The following ATG10 variants were observed in gnomAD, a reference collection of about 807,000 sequenced individuals.
The protein encoded by ATG10 is ubiquitin-like-conjugating enzyme ATG10.
ATG10 carries 30 observed loss-of-function variants against 32.1 expected under a neutral mutation model. The observed-to-expected ratio is 0.94, with a 90% CI of 0.70 to 1.27. The LOEUF is 1.27. ATG10 is among the 50% of genes most tolerant of loss of function. The pLI, the probability that ATG10 is intolerant of heterozygous loss-of-function variation, is 0.00. For missense variants in ATG10, 233 were observed against 262.3 expected (o/e 0.89, Z 0.77); for synonymous variants, 87 against 91.5 (o/e 0.95, Z 0.28).
chr5:82,158,767 T>TAC (rs1445702435), intron 3 of ATG10, among the ~76,000 whole-genome samples: 8 of 152,258 alleles, frequency 5.3e-5, no homozygotes, highest in African/African-American at 1.9e-4. Flanking sequence ...GTGTTACGAT[T>TAC]ATGATGTTCA....
At chr5:82,034,222 C>T (rs1762841691) in intron 2 of ATG10, among the ~76,000 whole-genome samples, 1 of 152,032 alleles carries the variant, frequency 6.6e-6, no homozygotes, top group East Asian at 1.9e-4. Flanking sequence ...ACCCAGCCCC[C>T]AACCTGTATC....
chr5:82,228,529 G>A (rs938668312), intron 5 of ATG10, among the ~76,000 whole-genome samples: 6 of 152,072 alleles, frequency 3.9e-5, no homozygotes, highest in African/African-American at 1.2e-4. Context: ...TCTTTGAGAG[G>A]AGCACAATAG....
At chr5:82,114,998 T>C (rs907885360) in intron 3 of ATG10, among the ~76,000 whole-genome samples, 10 of 152,216 alleles carry the variant, frequency 6.6e-5, no homozygotes, top group Non-Finnish European at 1.3e-4. Flanking sequence ...TATTCAGTTT[T>C]AATTAATGTA....
chr5:82,205,407 C>T lies in ATG10; in HGVS notation c.453+26820C>T, dbSNP rs80039686. The stretch of plus-strand genomic sequence containing the variant: ...TTGTTTGTTTTTAAGATGAGAAAGA[C>T]TTTATTATTTTAAAAACTGAAAGGA... On this transcript the variant is annotated intron_variant, in intron 5 of 7. Coordinates refer to ENST00000282185, the MANE Select transcript of ATG10 (RefSeq NM_031482.5). 5.7e-3 allele frequency among the ~76,000 whole-genome samples: 870 copies of T among 151,956 alleles called. 7 individuals are homozygous for T. Among genetic ancestry groups the T allele is most frequent in the African/African-American group, 0.02 (818 of 41,436 alleles).
intron 5 of ATG10, among the ~76,000 whole-genome samples, chr5:82,222,358 G>C (rs1391722411): frequency 6.6e-6 from 1 of 152,192 alleles, no homozygotes; most frequent in Non-Finnish European, 1.5e-5. Flanking sequence ...TTCCTCATCT[G>C]TGAAATGGTG....
At chr5:82,114,410 C>T (rs973596732) in intron 3 of ATG10, among the ~76,000 whole-genome samples, 1 of 152,014 alleles carries the variant, frequency 6.6e-6, no homozygotes, top group East Asian at 1.9e-4. Context: ...CTTTTATGCA[C>T]ATAGAAATTA....
intron 5 of ATG10, among the ~76,000 whole-genome samples, chr5:82,206,651 A>G (rs1226403466): frequency 1.4e-5 from 2 of 147,234 alleles, no homozygotes; most frequent in African/African-American, 4.9e-5. Flanking sequence ...CTCCATCTCA[A>G]AAAAAAAAAA....
intron 2 of ATG10, among the ~76,000 whole-genome samples, chr5:82,003,584 AT>A (rs1397216512): frequency 1.1e-4 from 16 of 152,328 alleles, no homozygotes; most frequent in African/African-American, 3.8e-4. Context: ...ATAACAATGG[AT>A]GTAATTGTTT....
chr5:82,226,401 A>T (rs949733667), intron 5 of ATG10, among the ~76,000 whole-genome samples: 1 of 151,836 alleles, frequency 6.6e-6, no homozygotes, highest in African/African-American at 2.4e-5. Context: ...TTGGTAGACT[A>T]TGTATAGTCA....
intron 3 of ATG10, among the ~76,000 whole-genome samples, chr5:82,063,494 ATT>A (rs143081537): frequency 1.0e-4 from 15 of 143,604 alleles, no homozygotes; most frequent in Non-Finnish European, 1.1e-4. Context: ...ACTGCTAACA[ATT>A]TTTTTTTTTT....
At chr5:82,103,068 C>T (rs1765331333) in intron 3 of ATG10, among the ~76,000 whole-genome samples, 1 of 152,036 alleles carries the variant, frequency 6.6e-6, no homozygotes, top group Admixed American at 6.6e-5. Context: ...CCCAACTCAT[C>T]CCTAAGGAAA....
intron 3 of ATG10, among the ~76,000 whole-genome samples, chr5:82,144,268 G>T (rs2149870435): frequency 6.7e-6 from 1 of 149,038 alleles, no homozygotes; most frequent in Non-Finnish European, 1.5e-5. Context: ...TCTTTTCAAA[G>T]AATCAGTTTT....
At chr5:82,002,897 C>T (rs1336656641) in intron 2 of ATG10, among the ~76,000 whole-genome samples, 1 of 152,106 alleles carries the variant, frequency 6.6e-6, no homozygotes, top group Non-Finnish European at 1.5e-5. Flanking sequence ...ATGCAGTTTA[C>T]CTATACAACA....
chr5:82,137,202 CCTT>C (rs1766794880), intron 3 of ATG10, among the ~76,000 whole-genome samples: 2 of 152,200 alleles, frequency 1.3e-5, no homozygotes, highest in African/African-American at 4.8e-5. Context: ...CCTTTTGAGG[CCTT>C]CTTCTGTAAA....
intron 2 of ATG10, among the ~76,000 whole-genome samples, chr5:82,044,275 T>C (rs1047583085): frequency 6.6e-6 from 1 of 152,026 alleles, no homozygotes; most frequent in Non-Finnish European, 1.5e-5. Flanking sequence ...TCACATCTTA[T>C]GAGAACTCAC....
intron 2 of ATG10, among the ~76,000 whole-genome samples, chr5:82,032,477 AC>A (rs1381533943): frequency 6.6e-6 from 1 of 152,126 alleles, no homozygotes; most frequent in African/African-American, 2.4e-5. Flanking sequence ...AAATCCATAA[AC>A]TTTTACTGTT....
intron 3 of ATG10, among the ~76,000 whole-genome samples, chr5:82,077,050 A>C (rs1764298683): frequency 1.3e-5 from 2 of 152,200 alleles, no homozygotes; most frequent in South Asian, 2.1e-4. Context: ...CCAGCTGGGC[A>C]TGGTGGCTCA....
chr5:82,176,345 A>G (rs1364251667), intron 4 of ATG10, among the ~76,000 whole-genome samples: 2 of 152,166 alleles, frequency 1.3e-5, no homozygotes, highest in Non-Finnish European at 2.9e-5. Flanking sequence ...CCGGCTGCAT[A>G]CTTTTGGCAG....
intron 2 of ATG10, chr5:82,009,924 A>G: frequency 6.2e-7 from 1 of 1,611,308 alleles, no homozygotes; most frequent in East Asian, 2.2e-5. Context: ...AAACCCTGGA[A>G]TAATTCTGTG....
Sources: gnomAD v4.1 joint callset for allele counts (sites outside exome capture counted in the v4.1 genomes callset) on GRCh38, gnomAD v4.1.1 for gene constraint, MANE v1.5 for transcripts, NCBI Gene and HGNC (gene_info 2026-07-23, HGNC 2026-07-21) for gene names.